KLHL2: variants seen among roughly 807,000 people sequenced by gnomAD.
KLHL2 encodes kelch like family member 2, also known as kelch-like protein 2.
A neutral mutation model predicts 75.8 loss-of-function variants in KLHL2; 15 were observed. The observed-to-expected ratio is 0.20, with a 90% CI of 0.13 to 0.30. KLHL2 has a LOEUF of 0.30. Among genes scored for constraint, KLHL2 ranks in the 10% least tolerant of loss-of-function variants. KLHL2 has a pLI of 1.00. For synonymous variants in KLHL2, 214 were observed against 251.9 expected (o/e 0.85, Z 1.42); for missense variants, 381 against 741.0 (o/e 0.51, Z 5.64).
At position 165,207,855 on chromosome 4, in the gene KLHL2, C is replaced by T; in HGVS notation, c.-22C>T. 6.9e-7 allele frequency: 1 copy of T among 1,451,730 alleles called. No homozygotes were observed. The highest frequency in any genetic ancestry group is 9.1e-7 in the Non-Finnish European group (1 of 1,095,820). The allele number at this position is 1,451,730 out of a possible 1,614,324, so 89.9% of individuals were successfully genotyped here. A position where few individuals can be genotyped will look rare whatever the true frequency, so the allele number is the denominator to read the frequency against. On this transcript the variant is annotated 5_prime_UTR_variant, in exon 1 of 15. Transcript: ENST00000226725. This position sits in a 1 kb window ranked among gnomAD's most constrained non-coding sequence, Gnocchi z 4.2. ...GGCTGTGTTGGTCGGTGCCTGCGTT[C>T]TGAAGCCCGAGAGGAGCCACAATGG...
At position 165,248,983 on chromosome 4, in the gene KLHL2, G is replaced by A. The variant is rs148452551; in HGVS notation, c.381+10084G>A. 3.3e-5 allele frequency among the ~76,000 whole-genome samples: 5 copies of A among 152,262 alleles called. 1 individual carries two copies. In the Middle Eastern group the frequency reaches 0.01, roughly 311 times the overall value. ...CTGTATTCTTCAGCATGCATTTCTA[G>A]CATGGAAATACCCAACAGATGACTA... On this transcript the variant is annotated intron_variant, in intron 4 of 14. Coordinates refer to ENST00000226725, the MANE Select transcript of KLHL2 (RefSeq NM_007246.4).
rs913601480 is a variant in KLHL2, at chr4:165,314,254, T to C, written c.1609+88T>C. 47 of 1,229,938 alleles carry C rather than the reference T, an allele frequency of 3.8e-5. No homozygotes were observed. The African/African-American group carries it at 6.7e-4, about 17-fold the overall frequency. 76.2% of individuals were successfully genotyped at this position (1,229,938 alleles called of 1,614,324 possible). On this transcript the variant is annotated intron_variant, in intron 13 of 14. Coordinates refer to ENST00000226725, the MANE Select transcript of KLHL2 (RefSeq NM_007246.4). The stretch of plus-strand genomic sequence containing the variant: ...ACTCTATCAATGAATATCAATGGTA[T>C]TTCCATTGTTCTTTTACTGATCTGG...
chr4:165,233,429 A>G (rs184750069), intron 3 of KLHL2, among the ~76,000 whole-genome samples: 1 of 141,880 alleles, frequency 7.0e-6, no homozygotes, highest in East Asian at 2.0e-4. Flanking sequence ...AGTACTGAAT[A>G]CTAAATTTTT....
At chr4:165,216,642 GTA>G (rs1737559875) in intron 1 of KLHL2, among the ~76,000 whole-genome samples, 1 of 152,162 alleles carries the variant, frequency 6.6e-6, no homozygotes, top group Admixed American at 6.5e-5. Flanking sequence ...GTATGTATAT[GTA>G]TATATGTCTC....
At chr4:165,209,950 C>T in intron 1 of KLHL2, 6 of 1,397,032 alleles carry the variant, frequency 4.3e-6, no homozygotes, top group Non-Finnish European at 2.8e-6. Flanking sequence ...CATCCCTCCA[C>T]CATGGATCCC....
intron 6 of KLHL2, among the ~76,000 whole-genome samples, chr4:165,296,135 G>A (rs1744890969): frequency 6.6e-6 from 1 of 152,212 alleles, no homozygotes; most frequent in African/African-American, 2.4e-5. Context: ...TGACCCAGAT[G>A]CCTGGAGATA....
chr4:165,279,597 C>T (rs752705954), intron 5 of KLHL2: 60 of 1,609,718 alleles, frequency 3.7e-5, no homozygotes, highest in Middle Eastern at 1.6e-4. Context: ...GTGCCTTGGT[C>T]CACTGCCCCC....
At chr4:165,311,087 G>A (rs1746146502) in intron 10 of KLHL2, among the ~76,000 whole-genome samples, 2 of 152,148 alleles carry the variant, frequency 1.3e-5, no homozygotes, top group South Asian at 4.1e-4. Flanking sequence ...TCAATCTCCT[G>A]ACTTTGTGAT....
chr4:165,286,369 A>G (rs750827350), intron 5 of KLHL2, among the ~76,000 whole-genome samples: 8 of 152,176 alleles, frequency 5.3e-5, no homozygotes, highest in Non-Finnish European at 8.8e-5. Flanking sequence ...GAGAGGTTGG[A>G]TCTGGGAGCA....
chr4:165,266,164 GTTGT>G (rs572091792), intron 5 of KLHL2, among the ~76,000 whole-genome samples: 205 of 152,204 alleles, frequency 1.3e-3, no homozygotes, highest in South Asian at 8.1e-3. Flanking sequence ...TTTTGATGGG[GTTGT>G]TTGTTTTTTT....
chr4:165,273,903 A>G (rs1405560042), intron 5 of KLHL2, among the ~76,000 whole-genome samples: 2 of 152,168 alleles, frequency 1.3e-5, no homozygotes, highest in Non-Finnish European at 2.9e-5. Flanking sequence ...CTCCTTTTCT[A>G]CCATAAACAA....
chr4:165,242,844 G>T (rs1340543497), intron 4 of KLHL2, among the ~76,000 whole-genome samples: 1 of 152,164 alleles, frequency 6.6e-6, no homozygotes, highest in East Asian at 1.9e-4. Flanking sequence ...ATAAGTGTGT[G>T]TGAGTCTGTG....
chr4:165,253,285 C>T (rs1196812628), intron 4 of KLHL2, among the ~76,000 whole-genome samples: 1 of 152,128 alleles, frequency 6.6e-6, no homozygotes, highest in African/African-American at 2.4e-5. Context: ...CCAACCGCCT[C>T]GGCCTCCCAA....
At chr4:165,312,890 T>C (rs992111606) in intron 11 of KLHL2, among the ~76,000 whole-genome samples, 6 of 152,244 alleles carry the variant, frequency 3.9e-5, no homozygotes, top group African/African-American at 1.4e-4. Context: ...TTTTTTCCGA[T>C]TTCCTAAGAT....
chr4:165,207,960 T>A lies in KLHL2; in HGVS notation c.26+58T>A. ...CGGATAAGCGCGCCGCTGCGGCGCG[T>A]GTCGCCGGCCGCGGGCGCAGCTCTG... On this transcript the variant is annotated intron_variant, in intron 1 of 14. Transcript: ENST00000226725. This position sits in a 1 kb window ranked among gnomAD's most constrained non-coding sequence, Gnocchi z 4.2. 8.1e-7 allele frequency: 1 copy of A among 1,241,798 alleles called. No homozygotes were observed. The highest frequency in any genetic ancestry group is 1.0e-6 in the Non-Finnish European group (1 of 985,282). 76.9% of individuals were successfully genotyped at this position (1,241,798 alleles called of 1,614,324 possible).
intron 8 of KLHL2, among the ~76,000 whole-genome samples, chr4:165,303,465 C>T (rs561630667): frequency 2.1e-4 from 29 of 137,560 alleles, no homozygotes; most frequent in Admixed American, 1.1e-3. Flanking sequence ...TCTTAACATG[C>T]ATCCCAATTC....
intron 1 of KLHL2, chr4:165,208,587 T>A: frequency 6.6e-6 from 1 of 152,322 alleles, no homozygotes; most frequent in East Asian, 1.9e-4. Context: ...ACAGAATTAC[T>A]TTCTAGAAAT....
intron 2 of KLHL2, among the ~76,000 whole-genome samples, chr4:165,221,325 T>G (rs1737972767): frequency 6.6e-6 from 1 of 152,184 alleles, no homozygotes; most frequent in South Asian, 2.1e-4. Flanking sequence ...CAGGAAAGGC[T>G]TTCTTGAGAA....
At chr4:165,286,105 A>G (rs1744072650) in intron 5 of KLHL2, among the ~76,000 whole-genome samples, 1 of 152,214 alleles carries the variant, frequency 6.6e-6, no homozygotes, top group Admixed American at 6.5e-5. Context: ...TCAAAGTATC[A>G]GGCCAAAGAG....
Sources: gnomAD v4.1 joint callset for allele counts (sites outside exome capture counted in the v4.1 genomes callset) on GRCh38, gnomAD v4.1.1 for gene constraint, Gnocchi (gnomAD v3.1) non-coding constraint, MANE v1.5 for transcripts, NCBI Gene and HGNC (gene_info 2026-07-23, HGNC 2026-07-21) for gene names.